TMEM17: variants seen among roughly 807,000 people sequenced by gnomAD.
The protein encoded by TMEM17 is transmembrane protein 17.
TMEM17 carries 15 observed loss-of-function variants against 19.1 expected under a neutral mutation model. That is an observed-to-expected ratio of 0.78 (90% CI 0.52 to 1.21). The LOEUF (loss-of-function observed/expected upper bound fraction) is 1.21, where lower values mean the gene tolerates loss of function less well. Among genes scored for constraint, TMEM17 ranks in the 50% most tolerant of loss-of-function variants. TMEM17 has a pLI of 0.00. For missense variants in TMEM17, 245 were observed against 242.3 expected, an observed-to-expected ratio of 1.01 and a Z score of -0.07; for synonymous variants, 103 against 86.9, an observed-to-expected ratio of 1.19 and a Z score of -1.03.
intron 1 of TMEM17, 46 bp from the exon 2 acceptor site, chr2:62,502,840 T>C: frequency 8.3e-7 from 1 of 1,211,128 alleles, no homozygotes; most frequent in South Asian, 1.4e-5. Context: ...CTTGGGTTTA[T>C]GCCCTATATA....
chr2:62,471,607 C>T, the TMEM17 span, among the ~76,000 whole-genome samples: 1 of 152,204 alleles, frequency 6.6e-6, no homozygotes, highest in South Asian at 2.1e-4. Context: ...CTAGTCCACT[C>T]CTGGAATTCA....
At chr2:62,468,123 C>T in the TMEM17 span, among the ~76,000 whole-genome samples, 1 of 152,068 alleles carries the variant, frequency 6.6e-6, no homozygotes, top group Non-Finnish European at 1.5e-5. Flanking sequence ...CCCTTTCCCT[C>T]CTCTAGGAAA....
At chr2:62,454,773 A>G in the TMEM17 span, among the ~76,000 whole-genome samples, 141,694 of 151,482 alleles carry the variant, frequency 0.94, 66,356 homozygotes, top group African/African-American at 0.98. Flanking sequence ...GCACGATCTC[A>G]GCTCACTGCA....
At chr2:62,496,021 CA>C (rs1402520631), downstream of TMEM17, among the ~76,000 whole-genome samples, 1 of 152,134 alleles carries the variant, frequency 6.6e-6, no homozygotes, top group African/African-American at 2.4e-5. Context: ...CGTCCCTTAT[CA>C]GTTTTCCCTT....
In TMEM17 at chr2:62,502,765, G is replaced by T; in HGVS notation, c.130C>A (p.Gln44Lys). ...ENEMVSSLAL[Q>K]MSLYFNTYYF... is the part of the protein sequence containing the mutation. Reference sequence around the variant, plus strand: ...TAGGTATTAAAATAAAGTGACATCTGCAGTGCCAAACTGGAGACCATTTCA... The same window carrying T: ...TAGGTATTAAAATAAAGTGACATCTTCAGTGCCAAACTGGAGACCATTTCA... The change falls in exon 2 of 4, where the codon CAG becomes AAG. Residue 44 changes from glutamine (Q) to lysine (K), a missense_variant. By Grantham distance (53) the Gln-to-Lys change is moderately conservative. Transcript: ENST00000335390. 2 of 1,607,482 alleles carry T rather than the reference G, an allele frequency of 1.2e-6. No individual in the cohort carries two copies. The highest frequency in any genetic ancestry group is 8.5e-7 in the Non-Finnish European group (1 of 1,177,926).
the TMEM17 span, among the ~76,000 whole-genome samples, chr2:62,479,716 T>C: frequency 6.6e-6 from 1 of 151,846 alleles, no homozygotes; most frequent in Non-Finnish European, 1.5e-5. Flanking sequence ...CAAAACCCCA[T>C]CTCTACAAAA....
chr2:62,497,959 A>G (rs1162788385), downstream of TMEM17, among the ~76,000 whole-genome samples: 1 of 152,238 alleles, frequency 6.6e-6, no homozygotes, highest in East Asian at 1.9e-4. Flanking sequence ...TTAAGGTTGT[A>G]CAAATGTTTT....
Position 62,502,496 on chromosome 2 carries a change from T to C in TMEM17, c.259A>G (p.Ile87Val). The change falls in exon 3 of 4, where the codon ATA (isoleucine) becomes GTA (valine). Residue 87 changes from isoleucine to valine, a missense_variant. Transcript: ENST00000335390. ...AACCGGATGGCTTCAATTAAGGTTA[T>C]TAGGATGATAACAGTGATCACAATG... ...KFIVITVIIL[I>V]TLIEAIRLYL... 1 of 1,613,324 alleles carries C rather than the reference T, an allele frequency of 6.2e-7. No individual in the cohort carries two copies. The highest frequency in any genetic ancestry group is 8.5e-7 in the Non-Finnish European group (1 of 1,179,342).
At chr2:62,486,385 A>G in the TMEM17 span, among the ~76,000 whole-genome samples, 1 of 152,352 alleles carries the variant, frequency 6.6e-6, no homozygotes, top group East Asian at 1.9e-4. Context: ...GTTAATGCAC[A>G]GCCAGAGGAA....
At chr2:62,471,188 G>C in the TMEM17 span, among the ~76,000 whole-genome samples, 2 of 152,224 alleles carry the variant, frequency 1.3e-5, no homozygotes, top group African/African-American at 4.8e-5. Flanking sequence ...TTGGCAGAAA[G>C]GCTGTAGGTA....
At chr2:62,493,510 T>C in the TMEM17 span, among the ~76,000 whole-genome samples, 2 of 152,220 alleles carry the variant, frequency 1.3e-5, no homozygotes, top group Non-Finnish European at 2.9e-5. Context: ...TCTATTAATA[T>C]GTGCTTATCG....
chr2:62,499,854 A>T (rs865797002), downstream of TMEM17, among the ~76,000 whole-genome samples: 7 of 152,360 alleles, frequency 4.6e-5, no homozygotes, highest in South Asian at 4.1e-4. Flanking sequence ...CTTAAATATA[A>T]TGTTCAGATA....
chr2:62,474,945 A>G, the TMEM17 span, among the ~76,000 whole-genome samples: 719 of 152,262 alleles, frequency 4.7e-3, 6 homozygotes, highest in African/African-American at 0.016. Context: ...ACAGCAATCT[A>G]CCCTTGATGA....
At chr2:62,476,960 G>A in the TMEM17 span, among the ~76,000 whole-genome samples, 2 of 152,126 alleles carry the variant, frequency 1.3e-5, no homozygotes, top group African/African-American at 4.8e-5. Flanking sequence ...ATGGTGTGCA[G>A]GTGGTTTATT....
downstream of TMEM17, among the ~76,000 whole-genome samples, chr2:62,497,856 G>C (rs1357099451): frequency 6.6e-6 from 1 of 152,210 alleles, no homozygotes; most frequent in Non-Finnish European, 1.5e-5. Context: ...TGGAAGCCAA[G>C]GGCCTGTTAC....
At chr2:62,495,214 A>G in the TMEM17 span, among the ~76,000 whole-genome samples, 3 of 152,212 alleles carry the variant, frequency 2.0e-5, no homozygotes, top group Non-Finnish European at 4.4e-5. Context: ...GGCTTTTCAT[A>G]GAATATATGT....
chr2:62,503,645 G>C (rs955980709), intron 1 of TMEM17, among the ~76,000 whole-genome samples: 3 of 152,202 alleles, frequency 2.0e-5, no homozygotes, highest in Non-Finnish European at 1.5e-5. Context: ...CACTGTGCCT[G>C]GCACACTTAG....
At chr2:62,492,621 A>T in the TMEM17 span, among the ~76,000 whole-genome samples, 3 of 152,252 alleles carry the variant, frequency 2.0e-5, no homozygotes, top group African/African-American at 7.2e-5. Flanking sequence ...CTGAGTTCTA[A>T]CAACTTGCTT....
At chr2:62,491,993 G>T in the TMEM17 span, among the ~76,000 whole-genome samples, 6,158 of 150,652 alleles carry the variant, frequency 0.041, 276 homozygotes, top group African/African-American at 0.11. Flanking sequence ...CCTTTCTATA[G>T]GTAAACGTAT....
Sources: gnomAD v4.1 joint callset for allele counts (sites outside exome capture counted in the v4.1 genomes callset) on GRCh38, gnomAD v4.1.1 for gene constraint, MANE v1.5 for transcripts, NCBI Gene and HGNC (gene_info 2026-07-23, HGNC 2026-07-21) for gene names.